AP4E1: variants seen among roughly 807,000 people sequenced by gnomAD.
AP4E1 encodes AP-4 complex subunit epsilon-1.
A neutral mutation model predicts 128.2 loss-of-function variants in AP4E1; 56 were observed. The ratio of observed to expected loss-of-function variants is 0.44; its 90% CI spans 0.35 to 0.55. AP4E1 has a LOEUF of 0.55. Ranked by LOEUF, AP4E1 falls within the 20% of genes least tolerant of loss-of-function variation. The pLI, the probability that AP4E1 is intolerant of heterozygous loss-of-function variation, is 0.00. For synonymous variants in AP4E1, 484 were observed against 473.1 expected (o/e 1.02, Z -0.30); for missense variants, 1,324 against 1,307.7 (o/e 1.01, Z -0.19).
At chr15:50,917,714 C>T (rs2063646386) in intron 3 of AP4E1, among the ~76,000 whole-genome samples, 1 of 152,178 alleles carries the variant, frequency 6.6e-6, no homozygotes, top group Non-Finnish European at 1.5e-5. Context: ...AGATGAATAA[C>T]TTACATTGCT....
At chr15:50,948,285 T>C in intron 11 of AP4E1, 126 bp downstream of exon 11, 3 of 1,229,864 alleles carry the variant, frequency 2.4e-6, no homozygotes, top group Non-Finnish European at 3.4e-6. Context: ...TATTCCTGAT[T>C]TTCAAGCCTC....
chr15:50,991,005 A>T (rs1477472415), intron 16 of AP4E1, among the ~76,000 whole-genome samples: 1 of 152,050 alleles, frequency 6.6e-6, no homozygotes, highest in Non-Finnish European at 1.5e-5. Flanking sequence ...ACCTCTGCTG[A>T]CCCCATGGGG....
At position 50,930,933 on chromosome 15, in the gene AP4E1, C is replaced by G; in HGVS notation, c.831C>G (p.Leu277=). The change falls in exon 7 of 21, where the codon CTC becomes CTG. Residue 277 remains leucine, a synonymous_variant. Coordinates refer to ENST00000261842, the MANE Select transcript of AP4E1 (RefSeq NM_007347.5). The part of the protein sequence containing the change: ...SVPAPWLQIQ[L]LRILGLLGKD... ...CAGCACCATGGTTACAAATTCAGCT[C>G]TTGAGAATACTGGGACTTCTAGGAA... 2 of 1,614,020 alleles carry G rather than the reference C, an allele frequency of 1.2e-6. No individual in the cohort carries two copies. Among genetic ancestry groups the G allele is most frequent in the South Asian group, 2.2e-5 (2 of 91,068 alleles).
intron 10 of AP4E1, chr15:50,946,084 A>T: frequency 1.6e-6 from 1 of 618,382 alleles, no homozygotes; most frequent in Non-Finnish European, 2.9e-6. Context: ...GGACTAGATT[A>T]ATTGCATACA....
At chr15:50,948,388 T>C (rs1432282897) in intron 11 of AP4E1, among the ~76,000 whole-genome samples, 1 of 151,152 alleles carries the variant, frequency 6.6e-6, no homozygotes, top group Non-Finnish European at 1.5e-5. Context: ...TAGTCCAGTA[T>C]TTTGAGCAGG....
At chr15:50,991,290 C>T (rs946119660) in intron 16 of AP4E1, among the ~76,000 whole-genome samples, 5 of 152,146 alleles carry the variant, frequency 3.3e-5, no homozygotes, top group Non-Finnish European at 7.3e-5. Context: ...TGTTGTTAAA[C>T]TACTATTTAA....
rs1007625114 is a variant in AP4E1 at position 50,958,566 on chromosome 15, T to G, written c.1623T>G (p.Leu541=). The G allele has an allele frequency of 6.2e-7, 1 of 1,614,082 alleles. No homozygotes were observed. Reference sequence around the variant, plus strand: ...TTATAGCTAAGCTCTACAAGTTACTTATGAATGACTCTGTGTCTTCAGAAA... The same window carrying G: ...TTATAGCTAAGCTCTACAAGTTACTGATGAATGACTCTGTGTCTTCAGAAA... ...EEVIAKLYKL[L]MNDSVSSETK... is the part of the protein sequence containing the mutation. The change falls in exon 14 of 21, where the codon CTT becomes CTG. Residue 541 remains leucine, a synonymous_variant. Transcript: ENST00000261842.
chr15:50,929,430 T>G (rs925804660), intron 6 of AP4E1, among the ~76,000 whole-genome samples: 1 of 152,104 alleles, frequency 6.6e-6, no homozygotes, highest in Non-Finnish European at 1.5e-5. Flanking sequence ...GAAGGTGTCT[T>G]AAGTTTGCAG....
intron 8 of AP4E1, among the ~76,000 whole-genome samples, chr15:50,935,463 T>A (rs1405726964): frequency 6.6e-6 from 1 of 152,056 alleles, no homozygotes; most frequent in Non-Finnish European, 1.5e-5. Context: ...CCAAAAAAAC[T>A]TCCAATTTTA....
At chr15:50,967,383 TAGAG>T (rs892750376) in intron 14 of AP4E1, among the ~76,000 whole-genome samples, 6 of 152,152 alleles carry the variant, frequency 3.9e-5, no homozygotes, top group African/African-American at 1.4e-4. Flanking sequence ...AGCAAGAGGT[TAGAG>T]AGGAGAAGGC....
chr15:50,918,412 C>T (rs2063655043), intron 3 of AP4E1, among the ~76,000 whole-genome samples: 1 of 152,114 alleles, frequency 6.6e-6, no homozygotes. Context: ...GGCTGGCTTC[C>T]ATGTTAGCAT....
intron 6 of AP4E1, among the ~76,000 whole-genome samples, chr15:50,929,780 G>A (rs1048665210): frequency 2.0e-5 from 3 of 151,990 alleles, no homozygotes; most frequent in South Asian, 2.1e-4. Flanking sequence ...TTTATGTATC[G>A]TGTTCTAAAA....
chr15:50,915,502 G>A lies in AP4E1; in HGVS notation c.277G>A (p.Asp93Asn). The A allele has an allele frequency of 1.2e-6, 2 of 1,613,550 alleles. No homozygotes were observed. Among genetic ancestry groups the A allele is most frequent in the Non-Finnish European group, 1.7e-6 (2 of 1,179,696 alleles). The change falls in exon 3 of 21, where the codon GAT becomes AAT. Residue 93 changes from aspartate to asparagine, a missense_variant. Physicochemically the swap from Asp to Asn is conservative, Grantham distance 23. Coordinates refer to ENST00000261842, the MANE Select transcript of AP4E1 (RefSeq NM_007347.5). ...RLIYCEMLGY[D>N]ASFGYIHAIK... ...TATATATTGTGAAATGCTTGGATATGATGCTTCCTTTGGCTATATTCATGC... is the reference window on the plus strand; with the variant it reads ...TATATATTGTGAAATGCTTGGATATAATGCTTCCTTTGGCTATATTCATGC...
At chr15:50,944,220 A>G (rs537385021) in intron 10 of AP4E1, among the ~76,000 whole-genome samples, 126 of 152,270 alleles carry the variant, frequency 8.3e-4, no homozygotes, top group African/African-American at 2.9e-3. Flanking sequence ...CTATCAAATG[A>G]TACGGTGAGA....
intron 14 of AP4E1, among the ~76,000 whole-genome samples, chr15:50,964,805 G>A (rs970984134): frequency 7.2e-5 from 11 of 152,134 alleles, no homozygotes; most frequent in African/African-American, 2.7e-4. Context: ...CAAATCTCAA[G>A]TTGAATTGTA....
chr15:50,974,035 A>C (rs2064518513), intron 15 of AP4E1, among the ~76,000 whole-genome samples: 1 of 152,116 alleles, frequency 6.6e-6, no homozygotes, highest in Non-Finnish European at 1.5e-5. Context: ...GTACGATCTC[A>C]GCTCACTGCA....
Position 50,930,888 on chromosome 15 carries a change from A to G in AP4E1, c.786A>G (p.Glu262=). Residue 262 remains glutamate, a synonymous_variant, in exon 7 of 21, where the codon GAA becomes GAG. Coordinates refer to ENST00000261842, the MANE Select transcript of AP4E1 (RefSeq NM_007347.5). ...TAGTTGGAGGAAAGCTCCCAGTAGA[A>G]TTCAATTACCACAGTGTGCCAGCAC... The part of the protein sequence containing the change: ...KQVVGGKLPV[E]FNYHSVPAPW... 1 of 1,614,158 alleles carries G rather than the reference A, an allele frequency of 6.2e-7. No individual in the cohort carries two copies.
intron 17 of AP4E1, among the ~76,000 whole-genome samples, chr15:50,994,507 A>G (rs962363416): frequency 3.9e-5 from 6 of 152,230 alleles, no homozygotes; most frequent in African/African-American, 1.4e-4. Context: ...TCACCAGTCT[A>G]GATCCCATTT....
rs759795254 is a variant in AP4E1, at chr15:50,923,900, A to G, written c.347-31A>G. 2.4e-5 allele frequency: 37 copies of G among 1,529,728 alleles called. No homozygotes were observed. In the East Asian group the frequency reaches 8.1e-4, roughly 34 times the overall value. 94.8% of individuals were successfully genotyped at this position (1,529,728 alleles called of 1,614,324 possible). On this transcript the variant is annotated intron_variant, in intron 3 of 20. Transcript: ENST00000261842. Reference sequence around the variant, plus strand: ...TGTGAAAAGTCTGTTTTTGGTAGTTAGTAATCAGACTTTTCCCTCAACTTT... The same window carrying G: ...TGTGAAAAGTCTGTTTTTGGTAGTTGGTAATCAGACTTTTCCCTCAACTTT...
Sources: gnomAD v4.1 joint callset for allele counts (sites outside exome capture counted in the v4.1 genomes callset) on GRCh38, gnomAD v4.1.1 for gene constraint, MANE v1.5 for transcripts, NCBI Gene and HGNC (gene_info 2026-07-23, HGNC 2026-07-21) for gene names.